CLIC6: variants seen among roughly 807,000 people sequenced by gnomAD.
CLIC6 encodes the protein chloride intracellular channel protein 6.
In CLIC6, 39 loss-of-function variants were observed where a neutral mutation model predicts 49.2. That is an observed-to-expected ratio of 0.79 (90% confidence interval 0.61 to 1.04). CLIC6 has a LOEUF of 1.04. Ranked by LOEUF, CLIC6 falls within the 50% of genes least tolerant of loss-of-function variation. The pLI is 0.00. For missense variants in CLIC6, 988 were observed against 993.1 expected, an observed-to-expected ratio of 0.99 and a Z score of 0.07; for synonymous variants, 446 against 433.4, an observed-to-expected ratio of 1.03 and a Z score of -0.36.
chr21:34,715,919 G>C (rs141204354), intron 5 of CLIC6, among the ~76,000 whole-genome samples: 100 of 152,334 alleles, frequency 6.6e-4, no homozygotes, highest in African/African-American at 2.2e-3. Flanking sequence ...GAAGAAGAGA[G>C]GGCACCATTT....
intron 1 of CLIC6, among the ~76,000 whole-genome samples, chr21:34,687,355 A>G (rs1989902653): frequency 6.6e-6 from 1 of 152,228 alleles, no homozygotes; most frequent in South Asian, 2.1e-4. Flanking sequence ...GCTTTCTAGA[A>G]CAAGATGTTC....
At chr21:34,694,007 C>G (rs55898205) in intron 1 of CLIC6, among the ~76,000 whole-genome samples, 24,187 of 141,638 alleles carry the variant, frequency 0.17, 2,274 homozygotes, top group African/African-American at 0.25. Context: ...GAGTCTTGCT[C>G]TGTCGCCCAG....
chr21:34,708,258 G>T (rs1426749655), intron 3 of CLIC6, among the ~76,000 whole-genome samples, 189 bp downstream of exon 3: 3 of 152,204 alleles, frequency 2.0e-5, no homozygotes, highest in Non-Finnish European at 4.4e-5. Context: ...TGCACCTGCA[G>T]CTTGGCAATC....
At chr21:34,680,922 C>T (rs1989766793) in intron 1 of CLIC6, among the ~76,000 whole-genome samples, 1 of 152,198 alleles carries the variant, frequency 6.6e-6, no homozygotes, top group Admixed American at 6.5e-5. Flanking sequence ...CCACATTTTG[C>T]TGTCTTCTTC....
chr21:34,709,241 C>G (rs2056038485), intron 4 of CLIC6, 116 bp from the exon 5 acceptor site: 1 of 829,792 alleles, frequency 1.2e-6, no homozygotes, highest in East Asian at 2.5e-5. Flanking sequence ...CTTCCCAGCA[C>G]CCATTGCTTG....
chr21:34,704,365 G>A (rs906909503), intron 1 of CLIC6, among the ~76,000 whole-genome samples: 6 of 152,130 alleles, frequency 3.9e-5, no homozygotes, highest in African/African-American at 1.4e-4. Context: ...CCATGTTCCC[G>A]TAACCCCCTC....
At chr21:34,679,517 C>G (rs920146338) in intron 1 of CLIC6, among the ~76,000 whole-genome samples, 1 of 152,182 alleles carries the variant, frequency 6.6e-6, no homozygotes, top group Admixed American at 6.5e-5. Flanking sequence ...CAACAGTCTC[C>G]CCAAAGTCTT....
At chr21:34,678,989 C>G (rs2145799421) in intron 1 of CLIC6, among the ~76,000 whole-genome samples, 1 of 152,296 alleles carries the variant, frequency 6.6e-6, no homozygotes, top group South Asian at 2.1e-4. Context: ...CAAATTGTCC[C>G]AAGACCTAGA....
intron 1 of CLIC6, among the ~76,000 whole-genome samples, chr21:34,701,098 C>G (rs1377417849): frequency 7.1e-6 from 1 of 140,928 alleles, no homozygotes; most frequent in African/African-American, 2.8e-5. Flanking sequence ...GTCAGGAGAT[C>G]GAGACCATCC....
chr21:34,699,030 G>A (rs1349230228), intron 1 of CLIC6, among the ~76,000 whole-genome samples: 3 of 152,090 alleles, frequency 2.0e-5, no homozygotes, highest in Non-Finnish European at 2.9e-5. Context: ...AGAGGAGAGC[G>A]AGAGAGAGAG....
At chr21:34,683,700 G>T (rs1989822676) in intron 1 of CLIC6, among the ~76,000 whole-genome samples, 1 of 152,090 alleles carries the variant, frequency 6.6e-6, no homozygotes, top group African/African-American at 2.4e-5. Context: ...TAAAAGTGTG[G>T]CACTCTCCCC....
At chr21:34,672,747 C>G (rs889283346) in intron 1 of CLIC6, among the ~76,000 whole-genome samples, 1 of 152,216 alleles carries the variant, frequency 6.6e-6, no homozygotes, top group Non-Finnish European at 1.5e-5. Flanking sequence ...CAAATCTTGG[C>G]TTTGCTAATT....
chr21:34,707,882 C>T (rs771302591), intron 2 of CLIC6, 62 bp from the exon 3 acceptor site: 40 of 1,590,496 alleles, frequency 2.5e-5, no homozygotes, highest in Non-Finnish European at 3.3e-5. Flanking sequence ...CGCGGCTAAG[C>T]CCTGGAAATG....
In CLIC6 at chr21:34,670,691, C is replaced by T. The variant is rs1403001268; in HGVS notation, c.1303C>T (p.Arg435Cys). 3.2e-6 allele frequency: 5 copies of T among 1,582,770 alleles called. No homozygotes were observed. The highest frequency in any genetic ancestry group is 1.8e-5 in the Admixed American group (1 of 57,104). ...GSGEAARVNG[R>C]REDGEASEPR... ...CGGCGAGGCCGCGCGCGTGAACGGC[C>T]GCCGGGAGGACGGAGAGGCGTCCGA... The change falls in exon 1 of 6, where the codon CGC becomes TGC. Residue 435 changes from arginine (R) to cysteine (C), a missense_variant. Physicochemically the swap from Arg to Cys is radical, Grantham distance 180. Around this residue, in one of 3 missense-constraint regions of CLIC6, gnomAD observed 647 missense variants for 596.9 expected, o/e 1.08. Transcript: ENST00000349499.
intron 1 of CLIC6, among the ~76,000 whole-genome samples, chr21:34,678,438 A>G (rs1159770310): frequency 1.3e-5 from 2 of 152,208 alleles, no homozygotes; most frequent in African/African-American, 4.8e-5. Context: ...TCTAAAAAAA[A>G]AAAAAGAAAA....
intron 1 of CLIC6, among the ~76,000 whole-genome samples, chr21:34,682,972 C>T (rs1465820099): frequency 6.6e-6 from 1 of 151,774 alleles, no homozygotes; most frequent in African/African-American, 2.4e-5. Context: ...CCAACACGCC[C>T]AGCTAATTTT....
At position 34,670,231 on chromosome 21, in the gene CLIC6, C is replaced by T. The variant is rs1762179591; in HGVS notation, c.843C>T (p.Asp281=). 2 of 1,418,338 alleles carry T rather than the reference C, an allele frequency of 1.4e-6. No individual in the cohort carries two copies. The highest frequency in any genetic ancestry group is 2.8e-5 in the East Asian group (1 of 35,954). 87.9% of individuals were successfully genotyped at this position (1,418,338 alleles called of 1,614,324 possible). A position where few individuals can be genotyped will look rare whatever the true frequency, so the allele number is the denominator to read the frequency against. Residue 281 remains aspartate (D), a synonymous_variant, in exon 1 of 6, where the codon GAC becomes GAT. Coordinates refer to ENST00000349499, the MANE Select transcript of CLIC6 (RefSeq NM_053277.3). ...AAGGCCCGGCGGGGGACAGCATGGA[C>T]GCCGAGGGTCCGGCAGGAAGGGCGC... ...EAEGPAGDSM[D]AEGPAGRARR...
chr21:34,694,059 G>A (rs530419823), intron 1 of CLIC6, among the ~76,000 whole-genome samples: 28 of 145,234 alleles, frequency 1.9e-4, no homozygotes, highest in African/African-American at 7.0e-4. Flanking sequence ...TGCAAGCTCC[G>A]CCTCCTGGGT....
intron 1 of CLIC6, among the ~76,000 whole-genome samples, chr21:34,688,311 C>CTGCTGGGTTT (rs963743137): frequency 6.6e-6 from 1 of 152,190 alleles, no homozygotes; most frequent in African/African-American, 2.4e-5. Flanking sequence ...CTTATTTCTG[C>CTGCTGGGTTT]TGCTGGGTTT....
Sources: gnomAD v4.1 joint callset for allele counts (sites outside exome capture counted in the v4.1 genomes callset) on GRCh38, gnomAD v4.1.1 for gene constraint, gnomAD v4.1.1 regional missense constraint, MANE v1.5 for transcripts, NCBI Gene and HGNC (gene_info 2026-07-23, HGNC 2026-07-21) for gene names.